The following GINS1 variants were observed in gnomAD, a reference collection of about 807,000 sequenced individuals.
GINS1 encodes the protein GINS complex subunit 1.
Under a neutral mutation model 34.9 loss-of-function variants are expected in GINS1, and 26 were observed. The observed-to-expected ratio is 0.74, with a 90% CI of 0.55 to 1.03. GINS1 has a LOEUF of 1.03. Ranked by LOEUF, GINS1 falls within the 50% of genes least tolerant of loss-of-function variation. GINS1 has a pLI of 0.00. For synonymous variants in GINS1, 97 were observed against 84.4 expected (o/e 1.15, Z -0.82); for missense variants, 235 against 237.9 (o/e 0.99, Z 0.08).
chr20:25,425,397 G>A (rs1278156236), intron 5 of GINS1, 70 bp downstream of exon 5: 4 of 708,322 alleles, frequency 5.6e-6, no homozygotes, highest in African/African-American at 5.4e-5. Flanking sequence ...GAAGAGAGGA[G>A]TATATGAATA....
At chr20:25,410,562 CTTTTT>C (rs148556749) in intron 1 of GINS1, among the ~76,000 whole-genome samples, 4,622 of 151,378 alleles carry the variant, frequency 0.031, 122 homozygotes, top group Non-Finnish European at 0.044. Context: ...AGGCTTTTCT[CTTTTT>C]TTTATTGTTT....
chr20:25,425,090 T>G (rs2090382937), intron 4 of GINS1, 121 bp from the exon 5 acceptor site: 1 of 573,448 alleles, frequency 1.7e-6, no homozygotes, highest in Non-Finnish European at 3.2e-6. Context: ...ATTTTAGCAT[T>G]AATGAATGAA....
chr20:25,428,969 CTTTTTTTTTTTT>C (rs77113924), intron 5 of GINS1, among the ~76,000 whole-genome samples: 54 of 127,478 alleles, frequency 4.2e-4, no homozygotes, highest in East Asian at 1.2e-3. Context: ...ATTCCTCTCT[CTTTTTTTTTTTT>C]TTTTTTTTTT....
chr20:25,425,424 A>T lies in GINS1; in HGVS notation c.447+97A>T, dbSNP rs1483298539. On this transcript the variant is annotated intron_variant, in intron 5 of 6. Transcript: ENST00000262460. Reference sequence around the variant, plus strand: ...ATATGAATATGTGTTAGCTTCTATTAAAATAGAAAAGAAGCATAGACCAAA... The same window carrying T: ...ATATGAATATGTGTTAGCTTCTATTTAAATAGAAAAGAAGCATAGACCAAA... 4 of 594,800 alleles carry T rather than the reference A, an allele frequency of 6.7e-6. No individual in the cohort carries two copies. The Admixed American group carries it at 1.1e-4, about 17-fold the overall frequency. 36.8% of individuals were successfully genotyped at this position (594,800 alleles called of 1,614,324 possible).
chr20:25,411,683 CT>C (rs2090286015), intron 1 of GINS1, among the ~76,000 whole-genome samples: 1 of 151,950 alleles, frequency 6.6e-6, no homozygotes, highest in African/African-American at 2.4e-5. Context: ...TGGCTTACAC[CT>C]GTAATCCTAG....
intron 2 of GINS1, among the ~76,000 whole-genome samples, chr20:25,416,112 A>T (rs1404384626): frequency 1.3e-5 from 2 of 152,180 alleles, no homozygotes; most frequent in African/African-American, 4.8e-5. Flanking sequence ...TTTGTGTCTT[A>T]AAAGATAATG....
At chr20:25,440,266 G>C (rs2090475280) in intron 5 of GINS1, among the ~76,000 whole-genome samples, 1 of 151,628 alleles carries the variant, frequency 6.6e-6, no homozygotes, top group South Asian at 2.1e-4. Flanking sequence ...CTCCCAAAAT[G>C]CTGGGATTAT....
chr20:25,422,339 C>T (rs937016307), intron 4 of GINS1, among the ~76,000 whole-genome samples: 1 of 151,610 alleles, frequency 6.6e-6, no homozygotes, highest in African/African-American at 2.4e-5. Context: ...TTTGAGAGGC[C>T]AAGGTGGATG....
At chr20:25,435,518 T>C (rs898151130) in intron 5 of GINS1, among the ~76,000 whole-genome samples, 1 of 151,760 alleles carries the variant, frequency 6.6e-6, no homozygotes, top group African/African-American at 2.4e-5. Context: ...CCAGCACTTT[T>C]GGAGGCCGAG....
chr20:25,444,789 A>G (rs2090501970), intron 6 of GINS1, among the ~76,000 whole-genome samples: 1 of 152,224 alleles, frequency 6.6e-6, no homozygotes, highest in African/African-American at 2.4e-5. Flanking sequence ...TTAGGAAGAC[A>G]CAGGACAAGC....
chr20:25,431,575 CT>C (rs77211490), intron 5 of GINS1, among the ~76,000 whole-genome samples: 2,969 of 131,988 alleles, frequency 0.022, 67 homozygotes, highest in African/African-American at 0.073. Flanking sequence ...TTTCTTTTTT[CT>C]TTTTTTTTTT....
Position 25,408,931 on chromosome 20 carries a change from CAG to C in GINS1, c.75+1038_75+1039del, listed in dbSNP as rs10577654. On this transcript the variant is annotated intron_variant, in intron 1 of 6. Coordinates refer to ENST00000262460, the MANE Select transcript of GINS1 (RefSeq NM_021067.5). The stretch of plus-strand genomic sequence containing the variant: ...TTCTGCTGGAAGATGGGCACAAAAA[CAG>C]ATAATAGAATTCACCACGCTAAGTG... 3.0e-3 allele frequency: 2,973 copies of C among 983,538 alleles called. 79 individuals are homozygous for C. In the Admixed American group the frequency reaches 0.079, roughly 26 times the overall value. The allele number at this position is 983,538 out of a possible 1,614,324, so 60.9% of individuals were successfully genotyped here. A position where few individuals can be genotyped will look rare whatever the true frequency, so the allele number is the denominator to read the frequency against.
rs556215898 is a variant in GINS1 at position 25,432,056 on chromosome 20, A to G, written c.447+6729A>G. Among the ~76,000 whole-genome samples, 7 of 151,952 alleles carry G rather than the reference A, an allele frequency of 4.6e-5. No individual in the cohort carries two copies. In the South Asian group the frequency reaches 1.5e-3, roughly 32 times the overall value. On this transcript the variant is annotated intron_variant, in intron 5 of 6. Coordinates refer to ENST00000262460, the MANE Select transcript of GINS1 (RefSeq NM_021067.5). The stretch of plus-strand genomic sequence containing the variant: ...CCCAGCTAATTTTTGTATTTTTAGT[A>G]GAGACGGGGTTTCACCATGTTGGCC...
At chr20:25,439,579 G>A (rs148739283) in intron 5 of GINS1, among the ~76,000 whole-genome samples, 11 of 151,894 alleles carry the variant, frequency 7.2e-5, no homozygotes, top group African/African-American at 2.7e-4. Context: ...AGACTTACAA[G>A]ACATTTAAAA....
chr20:25,419,868 G>A (rs1189125870), intron 4 of GINS1: 1 of 161,178 alleles, frequency 6.2e-6, no homozygotes, highest in Non-Finnish European at 1.4e-5. Flanking sequence ...CACTATGTTG[G>A]CTAGGCTGGT....
chr20:25,441,568 A>G (rs966425161), intron 5 of GINS1, 134 bp from the exon 6 acceptor site: 20 of 559,018 alleles, frequency 3.6e-5, no homozygotes, highest in Admixed American at 2.8e-4. Flanking sequence ...CAATAGTAGT[A>G]CTAGGCCTAA....
intron 5 of GINS1, among the ~76,000 whole-genome samples, chr20:25,429,674 T>A (rs1568805688): frequency 6.6e-6 from 1 of 151,960 alleles, no homozygotes; most frequent in Non-Finnish European, 1.5e-5. Context: ...CTTTGCATCC[T>A]GTTACTGTGC....
intron 1 of GINS1, among the ~76,000 whole-genome samples, chr20:25,413,194 G>A (rs1315435917): frequency 6.6e-6 from 1 of 151,944 alleles, no homozygotes; most frequent in Non-Finnish European, 1.5e-5. Flanking sequence ...TGGGATTACA[G>A]CCTGTCACCA....
At chr20:25,428,629 C>T (rs1233360686) in intron 5 of GINS1, among the ~76,000 whole-genome samples, 1 of 151,626 alleles carries the variant, frequency 6.6e-6, no homozygotes, top group Non-Finnish European at 1.5e-5. Flanking sequence ...TGGTCTGGAT[C>T]TCCTAACCTT....
Sources: allele counts gnomAD v4.1 joint callset (sites outside exome capture counted in the v4.1 genomes callset), GRCh38; gene constraint gnomAD v4.1.1; transcripts MANE v1.5; gene names NCBI Gene and HGNC (gene_info 2026-07-23, HGNC 2026-07-21).